CHPT1: variants seen among roughly 807,000 people sequenced by gnomAD.
CHPT1 encodes choline phosphotransferase 1, also known as cholinephosphotransferase 1.
Under a neutral mutation model 47.6 loss-of-function variants are expected in CHPT1, and 36 were observed. The ratio of observed to expected loss-of-function variants is 0.76; its 90% confidence interval spans 0.58 to 1.00. The LOEUF (loss-of-function observed/expected upper bound fraction) is 1.00. Ranked by LOEUF, CHPT1 falls within the 50% of genes least tolerant of loss-of-function variation. The pLI is 0.00. For missense variants in CHPT1, 458 were observed against 498.1 expected (o/e 0.92, Z 0.77); for synonymous variants, 194 against 186.3 (o/e 1.04, Z -0.33).
intron 8 of CHPT1, chr12:101,727,425 C>A (rs1951982657): frequency 6.6e-6 from 1 of 151,908 alleles, no homozygotes; most frequent in Non-Finnish European, 1.5e-5. Context: ...TCTTCAGATT[C>A]CCATCTGACC....
chr12:101,703,262 C>A (rs1951579957), intron 1 of CHPT1, among the ~76,000 whole-genome samples: 1 of 152,128 alleles, frequency 6.6e-6, no homozygotes, highest in Non-Finnish European at 1.5e-5. Flanking sequence ...TCTTCACACC[C>A]CTCTCTCTTT....
At position 101,728,954 on chromosome 12, in the gene CHPT1, C is replaced by T. The variant is rs375690461; in HGVS notation, c.*9C>T. ...AGAATAACATGGATTGAAGAGACTTCCGAACACTTGCTATCTCTTGCTGCT... is the reference window on the plus strand; with the variant it reads ...AGAATAACATGGATTGAAGAGACTTTCGAACACTTGCTATCTCTTGCTGCT... On this transcript the variant is annotated 3_prime_UTR_variant, in exon 9 of 9. Transcript: ENST00000229266. 1.9e-6 allele frequency: 3 copies of T among 1,613,484 alleles called. No individual in the cohort carries two copies. In the East Asian group the frequency reaches 6.7e-5, roughly 36 times the overall value.
chr12:101,725,648 A>G lies in CHPT1; in HGVS notation c.1066-646A>G, dbSNP rs11110983. On this transcript the variant is annotated intron_variant, in intron 7 of 8. Coordinates refer to ENST00000229266, the MANE Select transcript of CHPT1 (RefSeq NM_020244.3). ...CAAAAAAAAAAAAAAAAAGCCACAC[A>G]CACAATGTGGTACTTTTCAAGTAAG... Among the ~76,000 whole-genome samples, 4,208 of 151,714 alleles carry G rather than the reference A, an allele frequency of 0.028. 340 individuals are homozygous for G. In the East Asian group the frequency reaches 0.31, roughly 11 times the overall value.
intron 1 of CHPT1, among the ~76,000 whole-genome samples, chr12:101,707,141 G>T (rs1951644960): frequency 6.6e-6 from 1 of 152,198 alleles, no homozygotes; most frequent in Admixed American, 6.5e-5. Flanking sequence ...TTTCTCCCTA[G>T]ATGAAGTTGT....
chr12:101,719,640 A>G (rs950407329), intron 4 of CHPT1: 1 of 490,660 alleles, frequency 2.0e-6, no homozygotes, highest in Non-Finnish European at 3.3e-6. Flanking sequence ...CTGTGATGCT[A>G]CTTTTTAGAA....
chr12:101,720,367 T>A (rs1014118869), intron 5 of CHPT1, 113 bp downstream of exon 5: 1 of 895,014 alleles, frequency 1.1e-6, no homozygotes, highest in African/African-American at 1.7e-5. Context: ...AAACTAAGTA[T>A]CTTAAAGAAT....
At position 101,720,202 on chromosome 12, in the gene CHPT1, A is replaced by C. The variant is rs772552419; in HGVS notation, c.728A>C (p.Tyr243Ser). 1 of 1,604,816 alleles carries C rather than the reference A, an allele frequency of 6.2e-7. No individual in the cohort carries two copies. Among genetic ancestry groups the C allele is most frequent in the Non-Finnish European group, 8.5e-7 (1 of 1,175,610 alleles). The change falls in exon 5 of 9, where the codon TAT (tyrosine) becomes TCT (serine). Residue 243 changes from tyrosine to serine, a missense_variant. Tyr to Ser is a moderately radical substitution (Grantham distance 144). Transcript: ENST00000229266. ...GGAGTAATATTTTCCTGTTCAAATT[A>C]TTTCCATGTTATCCTCCATGGTGGT... ...LGGVIFSCSN[Y>S]FHVILHGGVG...
chr12:101,716,531 T>C (rs1181867777), intron 3 of CHPT1, among the ~76,000 whole-genome samples, 197 bp from the exon 4 acceptor site: 1 of 152,226 alleles, frequency 6.6e-6, no homozygotes. Flanking sequence ...CCGTTACCTA[T>C]GTGTGAGCAC....
At position 101,723,266 on chromosome 12, in the gene CHPT1, TC is replaced by T. The variant is rs1951886967; in HGVS notation, c.881del (p.Pro294LeufsTer6). 6.2e-7 allele frequency: 1 copy of T among 1,612,586 alleles called. No homozygotes were observed. Reference protein sequence around the residue: ...KSATDVFEKHPCLYILMFGCV... With the variant: ...KSATDVFEKHXCLYILMFGCV... ...CAGCAACTGATGTGTTTGAAAAGCA[TC>T]CTTGTCTTTATATCCTAATGTTTGG... On this transcript the variant is annotated frameshift_variant, in exon 6 of 9. Transcript: ENST00000229266. LOFTEE classifies it high-confidence loss of function.
intron 4 of CHPT1, among the ~76,000 whole-genome samples, chr12:101,718,910 G>A (rs1397320627): frequency 1.3e-5 from 2 of 151,736 alleles, no homozygotes; most frequent in Non-Finnish European, 1.5e-5. Context: ...GGTTGTGCCC[G>A]TAAGAAGGTA....
At chr12:101,725,505 G>A (rs962031111) in intron 7 of CHPT1, among the ~76,000 whole-genome samples, 3 of 151,878 alleles carry the variant, frequency 2.0e-5, no homozygotes, top group Admixed American at 1.3e-4. Context: ...AAAATACCAG[G>A]TGTTAAAAAA....
At chr12:101,698,539 G>C (rs1156816323) in intron 1 of CHPT1, among the ~76,000 whole-genome samples, 1 of 152,236 alleles carries the variant, frequency 6.6e-6, no homozygotes, top group Non-Finnish European at 1.5e-5. Flanking sequence ...CCTGGCACAG[G>C]GACTTGTGCC....
At chr12:101,726,443 AGAG>A (rs1236101756) in intron 8 of CHPT1, 39 bp downstream of exon 8, 11 of 1,606,526 alleles carry the variant, frequency 6.8e-6, no homozygotes, top group African/African-American at 2.7e-5. Context: ...CCCAAGGAAA[AGAG>A]GAGATGAAGT....
rs1381157018 is a variant in CHPT1 at position 101,723,815 on chromosome 12, A to G, written c.1033A>G (p.Ile345Val). 8 of 1,526,846 alleles carry G rather than the reference A, an allele frequency of 5.2e-6. No homozygotes were observed. Among genetic ancestry groups the G allele is most frequent in the Non-Finnish European group, 7.2e-6 (8 of 1,108,110 alleles). 94.6% of individuals were successfully genotyped at this position (1,526,846 alleles called of 1,614,324 possible). A position where few individuals can be genotyped will look rare whatever the true frequency, so the allele number is the denominator to read the frequency against. The change falls in exon 7 of 9, where the codon ATA (isoleucine) becomes GTA (valine). Residue 345 changes from isoleucine (I) to valine (V), a missense_variant. By Grantham distance (29) the Ile-to-Val change is conservative (BLOSUM62 3). Transcript: ENST00000229266. ...LFLDQYFNNF[I>V]DEYVVLWMAM... The stretch of plus-strand genomic sequence containing the variant: ...TTTAGACCAGTACTTTAATAACTTT[A>G]TAGACGAATATGTTGTTCTATGGAT...
At chr12:101,698,182 G>A in intron 1 of CHPT1, 48 bp downstream of exon 1, 5 of 1,378,930 alleles carry the variant, frequency 3.6e-6, no homozygotes, top group Non-Finnish European at 4.7e-6. Flanking sequence ...CGCTGCGGGC[G>A]GGTCGCTGGA....
chr12:101,727,953 C>CAT (rs1952006199), intron 8 of CHPT1: 1 of 152,020 alleles, frequency 6.6e-6, no homozygotes, highest in Non-Finnish European at 1.5e-5. Flanking sequence ...GAATTTAAAA[C>CAT]ATAGAAAAGC....
In CHPT1 at chr12:101,723,301, T is replaced by G. The variant is rs1951887689; in HGVS notation, c.914T>G (p.Phe305Cys). Residue 305 changes from phenylalanine (F) to cysteine (C), a missense_variant, in exon 6 of 9, where the codon TTT becomes TGT. Transcript: ENST00000229266. ...TATATCCTAATGTTTGGATGTGTCT[T>G]TGCTAAAGTCTCACAAAAATTAGTG... ...CLYILMFGCV[F>C]AKVSQKLVVA... The G allele has an allele frequency of 6.2e-7, 1 of 1,602,398 alleles. No homozygotes were observed. Among genetic ancestry groups the G allele is most frequent in the Non-Finnish European group, 8.5e-7 (1 of 1,175,668 alleles).
At chr12:101,722,705 A>AT (rs998541132) in intron 5 of CHPT1, among the ~76,000 whole-genome samples, 1 of 114,704 alleles carries the variant, frequency 8.7e-6, no homozygotes, top group African/African-American at 4.0e-5. Context: ...AACACAAAAA[A>AT]TTAAAAAAAA....
chr12:101,705,878 C>T (rs111307762), intron 1 of CHPT1, among the ~76,000 whole-genome samples: 1 of 145,056 alleles, frequency 6.9e-6, no homozygotes, highest in African/African-American at 2.6e-5. Context: ...GGCATGCACC[C>T]CCACGCCCGG....
Sources: gnomAD v4.1 joint callset for allele counts (sites outside exome capture counted in the v4.1 genomes callset) on GRCh38, gnomAD v4.1.1 for gene constraint, MANE v1.5 for transcripts, NCBI Gene and HGNC (gene_info 2026-07-23, HGNC 2026-07-21) for gene names.